TRMT2B: variants seen among roughly 807,000 people sequenced by gnomAD.
The protein encoded by TRMT2B is tRNA (uracil-5-)-methyltransferase homolog B.
TRMT2B carries 34 observed loss-of-function variants against 39.7 expected under a neutral mutation model. The observed-to-expected ratio is 0.86, with a 90% CI of 0.65 to 1.14. The LOEUF is 1.14. TRMT2B is among the 50% of genes most tolerant of loss of function. The pLI, the probability that TRMT2B is intolerant of heterozygous loss-of-function variation, is 0.00. For missense variants in TRMT2B, 318 were observed against 377.2 expected, an observed-to-expected ratio of 0.84 and a Z score of 1.30; for synonymous variants, 132 against 137.3, an observed-to-expected ratio of 0.96 and a Z score of 0.27.
the TRMT2B span, chrX:100,987,300 C>A: frequency 4.2e-6 from 4 of 942,112 alleles, 1 homozygote; most frequent in Admixed American, 9.4e-5. Flanking sequence ...TTTATGTGTT[C>A]CTTCACTCTT....
At chrX:100,974,879 C>T in the TRMT2B span, among the ~76,000 whole-genome samples, 4 of 111,463 alleles carry the variant, frequency 3.6e-5, no homozygotes, top group Admixed American at 1.9e-4. Context: ...AGTATGATGA[C>T]GTGGTTGAGT....
chrX:101,040,847 G>A (rs1326945199), intron 4 of TRMT2B, among the ~76,000 whole-genome samples: 1 of 111,359 alleles, frequency 9.0e-6, no homozygotes, highest in Non-Finnish European at 1.9e-5. Flanking sequence ...GATATAATTG[G>A]CCTAAAGTTC....
chrX:101,023,581 C>G lies in TRMT2B; in HGVS notation c.645G>C (p.Glu215Asp), dbSNP rs934157041. The part of the protein sequence containing the change: ...YEVFLRQSPL[E>D]PCLVFHEGGY... ...CACCTTCATGAAATACAAGGCAGGG[C>G]TCCAATGGAGACTGTCGAAGGAATA... is the stretch of plus-strand genomic sequence containing the variant. Residue 215 changes from glutamate to aspartate, a missense_variant, in exon 8 of 14, where the codon GAG (glutamate) becomes GAC (aspartate). Coordinates refer to ENST00000372936, the MANE Select transcript of TRMT2B (RefSeq NM_024917.6). 1.7e-5 allele frequency: 20 copies of G among 1,207,604 alleles called. No individual in the cohort carries two copies. Among genetic ancestry groups the G allele is most frequent in the Non-Finnish European group, 2.2e-5 (20 of 893,582 alleles).
At position 101,045,635 on chromosome X, in the gene TRMT2B, AC is replaced by A. The variant is rs1569489487; in HGVS notation, c.-23-3324del. Reference sequence around the variant, plus strand: ...AAATACAAAACAAACAAACAAACAAACAAACAAAAAAAATTAGCTAGGCATG... The same window carrying A: ...AAATACAAAACAAACAAACAAACAAAAAACAAAAAAAATTAGCTAGGCATG... On this transcript the variant is annotated intron_variant, in intron 2 of 13. Transcript: ENST00000372936. Among the ~76,000 whole-genome samples the A allele has an allele frequency of 3.3e-3, 342 of 104,546 alleles. 2 individuals are homozygous for A. Among genetic ancestry groups the A allele is most frequent in the African/African-American group, 0.011 (307 of 28,691 alleles). The allele number at this position is 104,546 out of a possible 115,157, so 90.8% of individuals were successfully genotyped here.
the TRMT2B span, among the ~76,000 whole-genome samples, chrX:100,981,565 A>G: frequency 9.3e-6 from 1 of 107,844 alleles, no homozygotes; most frequent in Non-Finnish European, 1.9e-5. Context: ...GCACTTTGAG[A>G]GGCCAAGGCA....
chrX:101,015,389 T>G (rs1411954717), intron 13 of TRMT2B, among the ~76,000 whole-genome samples: 1 of 111,772 alleles, frequency 8.9e-6, no homozygotes, highest in Non-Finnish European at 1.9e-5. Context: ...ACACAACTCA[T>G]TTTTTAGAAT....
At chrX:100,976,394 T>G in the TRMT2B span, among the ~76,000 whole-genome samples, 1 of 110,970 alleles carries the variant, frequency 9.0e-6, no homozygotes, top group African/African-American at 3.3e-5. Context: ...ACTTGCCCTG[T>G]GCTCAGTGAA....
chrX:101,022,081 T>G lies in TRMT2B; in HGVS notation c.757-19A>C. ...GCTCCTCCTGCCCAGACCATAAAATTAGCAGTTAAGCAAAGACTCATCTCT... is the reference window on the plus strand; with the variant it reads ...GCTCCTCCTGCCCAGACCATAAAATGAGCAGTTAAGCAAAGACTCATCTCT... On this transcript the variant is annotated intron_variant, in intron 8 of 13. Transcript: ENST00000372936. 8.6e-7 allele frequency: 1 copy of G among 1,165,125 alleles called. No homozygotes were observed. The highest frequency in any genetic ancestry group is 1.2e-6 in the Non-Finnish European group (1 of 853,437).
At chrX:101,019,506 T>C (rs1339926756) in intron 11 of TRMT2B, 103 bp from the exon 12 acceptor site, 3 of 1,015,161 alleles carry the variant, frequency 3.0e-6, no homozygotes, top group African/African-American at 1.9e-5. Context: ...CATCTTCCCT[T>C]TGGATCTAGC....
intron 7 of TRMT2B, among the ~76,000 whole-genome samples, chrX:101,026,046 A>AAGGG (rs778747153): frequency 5.1e-5 from 5 of 98,324 alleles, no homozygotes; most frequent in East Asian, 3.8e-4. Flanking sequence ...GGGAGGAAGG[A>AAGGG]AGGGAGGGAG....
chrX:100,994,116 G>A, the TRMT2B span, among the ~76,000 whole-genome samples: 2 of 111,929 alleles, frequency 1.8e-5, no homozygotes, highest in Non-Finnish European at 3.8e-5. Context: ...AGACTGTCAA[G>A]TACAAAGTGA....
intron 13 of TRMT2B, chrX:101,015,738 G>T: frequency 3.2e-6 from 1 of 315,566 alleles, no homozygotes; most frequent in Non-Finnish European, 4.2e-6. Context: ...TTTTCATCAT[G>T]CATAAATTAA....
At chrX:101,023,686 G>A in intron 7 of TRMT2B, 70 bp from the exon 8 acceptor site, 2 of 1,069,827 alleles carry the variant, frequency 1.9e-6, no homozygotes, top group Non-Finnish European at 2.5e-6. Flanking sequence ...CATGCTAGGT[G>A]ATTGTTTGTG....
At chrX:100,987,486 C>G in the TRMT2B span, 2 of 1,209,733 alleles carry the variant, frequency 1.7e-6, no homozygotes, top group African/African-American at 3.5e-5. Context: ...TACTTGCCAA[C>G]TACCACCTAC....
chrX:100,993,473 G>A, the TRMT2B span, among the ~76,000 whole-genome samples: 1 of 111,692 alleles, frequency 9.0e-6, no homozygotes. Context: ...ATTGGATCAT[G>A]CACATTTTAT....
the TRMT2B span, among the ~76,000 whole-genome samples, chrX:100,997,923 T>C: frequency 0.45 from 49,753 of 110,393 alleles, 9,012 homozygotes; most frequent in African/African-American, 0.64. Context: ...GACTCTGCGA[T>C]GTGTTTGGTT....
intron 7 of TRMT2B, among the ~76,000 whole-genome samples, chrX:101,033,812 C>T (rs755982372): frequency 3.7e-5 from 4 of 108,301 alleles, no homozygotes; most frequent in Non-Finnish European, 5.7e-5. Flanking sequence ...ACTATGAAAG[C>T]GGGGAAGACA....
chrX:101,029,702 T>C (rs1230089864), intron 7 of TRMT2B, among the ~76,000 whole-genome samples: 1 of 111,449 alleles, frequency 9.0e-6, no homozygotes, highest in Admixed American at 9.7e-5. Context: ...AGAACAAAGA[T>C]AATGGGAGAG....
At chrX:101,016,642 G>GTTTTTT (rs397827366) in intron 13 of TRMT2B, among the ~76,000 whole-genome samples, 1 of 57,607 alleles carries the variant, frequency 1.7e-5, no homozygotes, top group African/African-American at 7.3e-5. Context: ...AATTTTCGTG[G>GTTTTTT]TTTTTTTTTT....
Sources: allele counts gnomAD v4.1 joint callset (sites outside exome capture counted in the v4.1 genomes callset), GRCh38; gene constraint gnomAD v4.1.1; transcripts MANE v1.5; gene names NCBI Gene and HGNC (gene_info 2026-07-23, HGNC 2026-07-21).